RAB7B: variants seen among roughly 807,000 people sequenced by gnomAD.
The protein encoded by RAB7B is RAB7B, member RAS oncogene family, also known as ras-related protein Rab-7b.
intron 4 of RAB7B, among the ~76,000 whole-genome samples, chr1:205,989,472 C>T (rs965590903): frequency 6.6e-5 from 10 of 152,072 alleles, no homozygotes; most frequent in Non-Finnish European, 1.3e-4. Context: ...CTGGTGAGGC[C>T]TCCTAACCCC....
chr1:206,001,347 C>G (rs938762331), intron 1 of RAB7B, among the ~76,000 whole-genome samples: 1 of 151,678 alleles, frequency 6.6e-6, no homozygotes, highest in African/African-American at 2.4e-5. Flanking sequence ...TTTAAAGAAG[C>G]GTAGGACTAT....
intron 5 of RAB7B, among the ~76,000 whole-genome samples, chr1:205,979,544 G>GC (rs1165117995): frequency 1.1e-4 from 17 of 152,054 alleles, no homozygotes; most frequent in Non-Finnish European, 2.9e-5. Context: ...CCAAGAGCCT[G>GC]CCCCCCCTCC....
chr1:205,990,866 C>G (rs1660710055), intron 4 of RAB7B, among the ~76,000 whole-genome samples: 1 of 151,014 alleles, frequency 6.6e-6, no homozygotes, highest in Non-Finnish European at 1.5e-5. Flanking sequence ...CGGCTCACTG[C>G]AACTTCCGCC....
At chr1:205,985,188 C>T (rs1571792234) in intron 5 of RAB7B, among the ~76,000 whole-genome samples, 1 of 152,182 alleles carries the variant, frequency 6.6e-6, no homozygotes, top group South Asian at 2.1e-4. Flanking sequence ...CTGGCACCTC[C>T]CACCAATGAA....
chr1:205,995,041 T>C (rs1457207719), intron 1 of RAB7B, among the ~76,000 whole-genome samples: 8 of 151,954 alleles, frequency 5.3e-5, no homozygotes, highest in Admixed American at 4.6e-4. Context: ...TTCTCACTCA[T>C]AGATCGTAAT....
chr1:205,999,634 A>G, intron 1 of RAB7B, among the ~76,000 whole-genome samples: 1 of 152,346 alleles, frequency 6.6e-6, no homozygotes, highest in Admixed American at 6.5e-5. Context: ...ATACTCATGC[A>G]TATGCTCAAA....
chr1:205,986,916 C>T (rs949590941), intron 4 of RAB7B, among the ~76,000 whole-genome samples: 2 of 152,112 alleles, frequency 1.3e-5, no homozygotes, highest in African/African-American at 2.4e-5. Flanking sequence ...TCCTGCAGGT[C>T]CTGGGAATGT....
Position 205,994,065 on chromosome 1 carries a change from G to A in RAB7B, c.53+18C>T. 2.5e-6 allele frequency: 1 copy of A among 398,664 alleles called. No homozygotes were observed. The highest frequency in any genetic ancestry group is 4.4e-6 in the Non-Finnish European group (1 of 226,090). 24.7% of individuals were successfully genotyped at this position (398,664 alleles called of 1,614,324 possible). A position where few individuals can be genotyped will look rare whatever the true frequency, so the allele number is the denominator to read the frequency against. ...GTGAGGGGCTGCTTCCCAACTCCCAGAGCTGAGCTTGGCTTACCCAATGGC... is the reference window on the plus strand; with the variant it reads ...GTGAGGGGCTGCTTCCCAACTCCCAAAGCTGAGCTTGGCTTACCCAATGGC... On this transcript the variant is annotated intron_variant, in intron 2 of 5. Transcript: ENST00000617070.
chr1:205,977,581 T>C lies in RAB7B; in HGVS notation c.*1270A>G, dbSNP rs1660406174. ...GAGAAGGAGCACTGCTGCCCTCTGG[T>C]GGTCAGGCAGCAGAGCATCTAGGAG... On this transcript the variant is annotated 3_prime_UTR_variant, in exon 6 of 6. Transcript: ENST00000617070. 6.6e-6 allele frequency: 1 copy of C among 152,146 alleles called. No individual in the cohort carries two copies. The highest frequency in any genetic ancestry group is 2.1e-4 in the South Asian group (1 of 4,816). The allele number at this position is 152,146 out of a possible 1,614,324, so 9.4% of individuals were successfully genotyped here. A position where few individuals can be genotyped will look rare whatever the true frequency, so the allele number is the denominator to read the frequency against.
chr1:205,999,392 C>G (rs1660856290), intron 1 of RAB7B, among the ~76,000 whole-genome samples: 1 of 152,156 alleles, frequency 6.6e-6, no homozygotes, highest in Non-Finnish European at 1.5e-5. Flanking sequence ...ACCTTACTAA[C>G]TATCAAGGAA....
intron 4 of RAB7B, among the ~76,000 whole-genome samples, chr1:205,988,470 A>C (rs1660656989): frequency 6.6e-6 from 1 of 152,172 alleles, no homozygotes; most frequent in East Asian, 1.9e-4. Flanking sequence ...CCTGGGCTCA[A>C]GCTATCCCCC....
intron 1 of RAB7B, among the ~76,000 whole-genome samples, chr1:205,998,552 T>G (rs1311971036): frequency 1.3e-5 from 2 of 151,724 alleles, no homozygotes; most frequent in African/African-American, 4.8e-5. Flanking sequence ...AGAGATACAG[T>G]GGGGGTGGAG....
Position 205,977,345 on chromosome 1 carries a change from A to G in RAB7B, c.*1506T>C, listed in dbSNP as rs1025507322. ...GAGCTTTCTTGCATTTCATTCTAGT[A>G]TTTGCCACAGATGCTGATTTCTTGC... is the stretch of plus-strand genomic sequence containing the variant. On this transcript the variant is annotated 3_prime_UTR_variant, in exon 6 of 6. Coordinates refer to ENST00000617070, the MANE Select transcript of RAB7B (RefSeq NM_001164522.3). 11 of 152,068 alleles carry G rather than the reference A, an allele frequency of 7.2e-5. No individual in the cohort carries two copies. Among genetic ancestry groups the G allele is most frequent in the Admixed American group, 2.0e-4 (3 of 15,262 alleles). The allele number at this position is 152,068 out of a possible 1,614,324, so 9.4% of individuals were successfully genotyped here.
intron 4 of RAB7B, among the ~76,000 whole-genome samples, chr1:205,990,812 A>C (rs1417857913): frequency 6.4e-5 from 9 of 140,960 alleles, no homozygotes; most frequent in Non-Finnish European, 1.1e-4. Context: ...TTTTGAGATG[A>C]AGTCTCGCAT....
intron 5 of RAB7B, among the ~76,000 whole-genome samples, chr1:205,979,947 G>A (rs1283138182): frequency 1.3e-5 from 2 of 152,178 alleles, no homozygotes. Context: ...CAGACACCCA[G>A]CTGGTGAATA....
chr1:205,987,496 C>T (rs1660631976), intron 4 of RAB7B, among the ~76,000 whole-genome samples: 1 of 152,154 alleles, frequency 6.6e-6, no homozygotes, highest in African/African-American at 2.4e-5. Context: ...GATGCTTTTC[C>T]ATCTCATGTG....
intron 1 of RAB7B, among the ~76,000 whole-genome samples, chr1:206,000,529 G>A (rs1034458164): frequency 7.9e-5 from 12 of 152,178 alleles, no homozygotes; most frequent in African/African-American, 1.2e-4. Flanking sequence ...ACCTTGGGGC[G>A]TCTGTTCCCT....
At chr1:205,983,445 G>T (rs1660530886) in intron 5 of RAB7B, among the ~76,000 whole-genome samples, 1 of 152,104 alleles carries the variant, frequency 6.6e-6, no homozygotes, top group South Asian at 2.1e-4. Flanking sequence ...ACCCCCCACA[G>T]CACTCATGTC....
At chr1:205,978,958 T>C (rs1454755490) in intron 5 of RAB7B, 30 bp from the exon 6 acceptor site, 2 of 398,740 alleles carry the variant, frequency 5.0e-6, no homozygotes, top group Non-Finnish European at 8.8e-6. Flanking sequence ...CCGGCATTCA[T>C]GTCCTGAGAT....
Sources: gnomAD v4.1 joint callset for allele counts (sites outside exome capture counted in the v4.1 genomes callset) on GRCh38, gnomAD v4.1.1 for gene constraint, MANE v1.5 for transcripts, NCBI Gene and HGNC (gene_info 2026-07-23, HGNC 2026-07-21) for gene names.